Variants in PTPRN2 observed in about 807,000 individuals in gnomAD.
PTPRN2 encodes protein tyrosine phosphatase receptor type N2.
A neutral mutation model predicts 118.8 loss-of-function variants in PTPRN2; 74 were observed. That is an observed-to-expected ratio of 0.62 (90% CI 0.52 to 0.76). PTPRN2 has a LOEUF of 0.76. Ranked by LOEUF, PTPRN2 falls within the 30% of genes least tolerant of loss-of-function variation. The pLI is 0.00. For missense variants in PTPRN2, 1,481 were observed against 1,394.4 expected (o/e 1.06, Z -0.99); for synonymous variants, 641 against 608.0 (o/e 1.05, Z -0.80).
intron 3 of PTPRN2, among the ~76,000 whole-genome samples, chr7:158,238,138 CGCCCGTGTCCG>C (rs938241924): frequency 4.0e-4 from 61 of 152,192 alleles, no homozygotes; most frequent in Non-Finnish European, 7.5e-4. Flanking sequence ...CGCTAAGTCA[CGCCCGTGTCCG>C]GCTCTGATTG....
At chr7:157,698,809 T>C (rs1791543597) in intron 12 of PTPRN2, among the ~76,000 whole-genome samples, 1 of 152,256 alleles carries the variant, frequency 6.6e-6, no homozygotes, top group African/African-American at 2.4e-5. Flanking sequence ...GGCACGTATT[T>C]AATAGTTGAT....
chr7:157,873,376 C>G (rs1381564398), intron 12 of PTPRN2, among the ~76,000 whole-genome samples: 2 of 152,252 alleles, frequency 1.3e-5, no homozygotes, highest in Non-Finnish European at 2.9e-5. Context: ...TGGAGAAACC[C>G]CCGGAGGGCC....
chr7:157,974,453 G>A lies in PTPRN2; in HGVS notation c.1724-75716C>T, dbSNP rs998182199. On this transcript the variant is annotated intron_variant, in intron 11 of 22. Coordinates refer to ENST00000389418, the MANE Select transcript of PTPRN2 (RefSeq NM_002847.5). This position sits in a 1 kb window ranked among gnomAD's most constrained non-coding sequence, Gnocchi z 4.0. ...ACTGTGGAGTTAGTGGGTCCACTTC[G>A]AGAAGACAGAGACAGAGTGAAGCCT... Among the ~76,000 whole-genome samples, 7 of 152,184 alleles carry A rather than the reference G, an allele frequency of 4.6e-5. No homozygotes were observed. The highest frequency in any genetic ancestry group is 4.4e-5 in the Non-Finnish European group (3 of 68,038).
intron 11 of PTPRN2, among the ~76,000 whole-genome samples, chr7:157,950,691 G>A (rs539102508): frequency 6.6e-5 from 10 of 152,324 alleles, no homozygotes; most frequent in Non-Finnish European, 1.2e-4. Flanking sequence ...CATGGAGCAG[G>A]CTTATCCTCT....
Position 157,556,710 on chromosome 7 carries a change from CAT to C in PTPRN2, c.2903-7693_2903-7692del, listed in dbSNP as rs374152642. Among the ~76,000 whole-genome samples, 79 of 149,708 alleles carry C rather than the reference CAT, an allele frequency of 5.3e-4. No individual in the cohort carries two copies. In the East Asian group the frequency reaches 8.5e-3, roughly 16 times the overall value. The stretch of plus-strand genomic sequence containing the variant: ...ACACACATGCCCACACACATATACA[CAT>C]GTGTGCACATGCCCACACTACACTC... On this transcript the variant is annotated intron_variant, in intron 21 of 22. Transcript: ENST00000389418.
chr7:157,752,429 CCCTT>C (rs1487851009), intron 12 of PTPRN2, among the ~76,000 whole-genome samples: 1 of 152,224 alleles, frequency 6.6e-6, no homozygotes, highest in African/African-American at 2.4e-5. Context: ...CGTCCAGTCT[CCCTT>C]CCTGGGCAGC....
In PTPRN2 at chr7:157,986,415, G is replaced by A. The variant is rs917224627; in HGVS notation, c.1724-87678C>T. On this transcript the variant is annotated intron_variant, in intron 11 of 22. Coordinates refer to ENST00000389418, the MANE Select transcript of PTPRN2 (RefSeq NM_002847.5). The surrounding 1 kb of genome is among the most constrained non-coding windows in gnomAD (Gnocchi z 4.5). The stretch of plus-strand genomic sequence containing the variant: ...CAGAAACTGACGCCCAGAGAGGCAG[G>A]GCACCCCGTGTGTGGTCACCGTGGT... 2.6e-5 allele frequency among the ~76,000 whole-genome samples: 4 copies of A among 152,156 alleles called. No homozygotes were observed. The highest frequency in any genetic ancestry group is 5.9e-5 in the Non-Finnish European group (4 of 68,040).
At chr7:157,683,332 G>T (rs1406920177) in intron 12 of PTPRN2, among the ~76,000 whole-genome samples, 3 of 152,154 alleles carry the variant, frequency 2.0e-5, no homozygotes, top group African/African-American at 7.2e-5. Flanking sequence ...GGGAGGCCAG[G>T]CTTGGCGGTG....
chr7:158,287,158 T>G (rs1799821544), intron 3 of PTPRN2, among the ~76,000 whole-genome samples: 1 of 152,214 alleles, frequency 6.6e-6, no homozygotes, highest in Non-Finnish European at 1.5e-5. Context: ...CATGGTCCCT[T>G]ACATTTCTGT....
At chr7:158,406,212 T>C (rs1813415930) in intron 2 of PTPRN2, among the ~76,000 whole-genome samples, 1 of 147,154 alleles carries the variant, frequency 6.8e-6, no homozygotes, top group African/African-American at 2.5e-5. Context: ...CGGTGGCTCA[T>C]CCGTGAGACA....
intron 3 of PTPRN2, among the ~76,000 whole-genome samples, chr7:158,210,036 G>T (rs1485458804): frequency 1.3e-5 from 2 of 151,712 alleles, no homozygotes; most frequent in Non-Finnish European, 2.9e-5. Context: ...AAAACCTGTG[G>T]GATGCAGCAA....
intron 5 of PTPRN2, among the ~76,000 whole-genome samples, chr7:158,170,157 C>T (rs1823409139): frequency 2.0e-5 from 3 of 152,274 alleles, no homozygotes; most frequent in South Asian, 2.1e-4. Flanking sequence ...AGCGAGCGAG[C>T]GAGAGACAGT....
chr7:158,058,085 C>A (rs770351664), intron 11 of PTPRN2, among the ~76,000 whole-genome samples: 1 of 152,228 alleles, frequency 6.6e-6, no homozygotes, highest in Non-Finnish European at 1.5e-5. Flanking sequence ...TCTTTTCTTC[C>A]ATGAAAATCT....
intron 3 of PTPRN2, among the ~76,000 whole-genome samples, chr7:158,266,552 A>G (rs1278480576): frequency 6.6e-6 from 1 of 151,816 alleles, no homozygotes; most frequent in African/African-American, 2.4e-5. Context: ...TGTCTGGCAG[A>G]AAGAGCCGGG....
chr7:158,457,709 C>G (rs141284857), intron 2 of PTPRN2, among the ~76,000 whole-genome samples: 878 of 41,186 alleles, frequency 0.021, 192 homozygotes, highest in African/African-American at 0.069. Context: ...AGTAAAGCCA[C>G]CGTCAAAACT....
rs1463490888 is a variant in PTPRN2 at position 158,316,827 on chromosome 7, G to T, written c.269C>A (p.Ser90Tyr). ...GCCCACGCCCGCCCTACCTGTGCCG[G>T]AAAGCTTCTGCAACGCCACGCGCAG... ...QRLRVALQKL[S>Y]GTGFTWQDDY... The change falls in exon 3 of 23, where the codon TCC becomes TAC. Residue 90 changes from serine to tyrosine, a missense_variant. By Grantham distance (144) the Ser-to-Tyr change is moderately radical. This residue lies in a region of PTPRN2 where 1,115 missense variants were observed against 994.2 expected (regional missense o/e 1.12). Transcript: ENST00000389418. 2.5e-6 allele frequency: 4 copies of T among 1,602,510 alleles called. No individual in the cohort carries two copies. In the African/African-American group the frequency reaches 5.4e-5, roughly 21 times the overall value.
At chr7:158,412,678 A>G (rs1228517499) in intron 2 of PTPRN2, among the ~76,000 whole-genome samples, 1 of 100,484 alleles carries the variant, frequency 1.0e-5, no homozygotes. Context: ...CACCCTCCTC[A>G]GCACCAGGGC....
At chr7:157,972,315 G>C (rs1802392021) in intron 11 of PTPRN2, among the ~76,000 whole-genome samples, 1 of 152,228 alleles carries the variant, frequency 6.6e-6, no homozygotes, top group East Asian at 1.9e-4. Context: ...GACACATGCA[G>C]AGGCACCTGG....
chr7:158,415,237 T>C (rs753703440), intron 2 of PTPRN2, among the ~76,000 whole-genome samples: 12 of 152,236 alleles, frequency 7.9e-5, no homozygotes, highest in Admixed American at 1.3e-4. Context: ...AGCGACAGTA[T>C]TGGTGAAGAG....
Sources: gnomAD v4.1 joint callset for allele counts (sites outside exome capture counted in the v4.1 genomes callset) on GRCh38, gnomAD v4.1.1 for gene constraint, gnomAD v4.1.1 regional missense constraint, Gnocchi (gnomAD v3.1) non-coding constraint, MANE v1.5 for transcripts, NCBI Gene and HGNC (gene_info 2026-07-23, HGNC 2026-07-21) for gene names.